The following COL24A1 variants were observed in gnomAD, a reference collection of about 807,000 sequenced individuals.
COL24A1 encodes collagen type XXIV alpha 1 chain.
A neutral mutation model predicts 253.9 loss-of-function variants in COL24A1; 224 were observed. The ratio of observed to expected loss-of-function variants is 0.88; its 90% CI spans 0.79 to 0.99. COL24A1 has a LOEUF of 0.99. Ranked by LOEUF, COL24A1 falls within the 50% of genes least tolerant of loss-of-function variation. The pLI, the probability that COL24A1 is intolerant of heterozygous loss-of-function variation, is 0.00. For missense variants in COL24A1, 2,131 were observed against 2,068.5 expected (o/e 1.03, Z -0.59); for synonymous variants, 685 against 673.7 (o/e 1.02, Z -0.26).
intron 18 of COL24A1, among the ~76,000 whole-genome samples, chr1:86,020,962 A>T (rs1697475767): frequency 6.6e-6 from 1 of 152,222 alleles, no homozygotes; most frequent in Non-Finnish European, 1.5e-5. Context: ...TAGTATAAGC[A>T]AAGGTCACCA....
intron 53 of COL24A1, among the ~76,000 whole-genome samples, chr1:85,774,894 A>C (rs1668368442): frequency 6.6e-6 from 1 of 151,796 alleles, no homozygotes; most frequent in African/African-American, 2.4e-5. Flanking sequence ...GATCTTAGTT[A>C]CTTCTTGCCT....
Position 85,823,607 on chromosome 1 carries a change from A to G in COL24A1, c.3736-18T>C, listed in dbSNP as rs1196170580. The G allele has an allele frequency of 5.6e-6, 9 of 1,613,864 alleles. No homozygotes were observed. The South Asian group carries it at 8.8e-5, about 16-fold the overall frequency. On this transcript the variant is annotated intron_variant, in intron 44 of 59. Coordinates refer to ENST00000370571, the MANE Select transcript of COL24A1 (RefSeq NM_152890.7). ...GGTTCGCCCTTTAGTAGAAACCAAA[A>G]TAAAAATCACATATGAAGCAGAGAC...
At chr1:86,079,516 A>C (rs980173285) in intron 7 of COL24A1, among the ~76,000 whole-genome samples, 1 of 152,208 alleles carries the variant, frequency 6.6e-6, no homozygotes. Context: ...GTGAAGAAAC[A>C]ACCCAGAAAA....
At chr1:85,837,058 T>G in intron 43 of COL24A1, among the ~76,000 whole-genome samples, 1 of 152,232 alleles carries the variant, frequency 6.6e-6, no homozygotes, top group South Asian at 2.1e-4. Context: ...TGTGAAGAAG[T>G]CATGCACAGA....
chr1:85,948,392 C>T (rs1054074252), intron 24 of COL24A1, among the ~76,000 whole-genome samples: 1 of 150,690 alleles, frequency 6.6e-6, no homozygotes, highest in Admixed American at 6.6e-5. Flanking sequence ...GGCGTGGTAG[C>T]GGGCGCCTGT....
At chr1:85,914,745 G>A (rs1685727554) in intron 24 of COL24A1, among the ~76,000 whole-genome samples, 1 of 152,088 alleles carries the variant, frequency 6.6e-6, no homozygotes, top group South Asian at 2.1e-4. Context: ...CAGTATCTAA[G>A]TATGGTTAAT....
At chr1:86,119,849 A>G (rs986080546) in intron 3 of COL24A1, among the ~76,000 whole-genome samples, 51 of 152,204 alleles carry the variant, frequency 3.4e-4, no homozygotes, top group African/African-American at 1.1e-3. Context: ...AAATAAATTT[A>G]AAGAACAAAG....
At chr1:86,079,366 G>C (rs758723360) in intron 7 of COL24A1, among the ~76,000 whole-genome samples, 5 of 152,030 alleles carry the variant, frequency 3.3e-5, no homozygotes, top group Admixed American at 6.6e-5. Flanking sequence ...GAAAATATTG[G>C]GGAACCTCTC....
chr1:85,944,323 T>C (rs1010336330), intron 24 of COL24A1, among the ~76,000 whole-genome samples: 1 of 152,208 alleles, frequency 6.6e-6, no homozygotes, highest in Admixed American at 6.5e-5. Context: ...TATGCAACTG[T>C]CACTAGAATA....
intron 47 of COL24A1, among the ~76,000 whole-genome samples, chr1:85,812,387 C>T (rs1427381095): frequency 6.6e-6 from 1 of 152,164 alleles, no homozygotes; most frequent in African/African-American, 2.4e-5. Flanking sequence ...GATAGATCTG[C>T]ATTGATTGTC....
chr1:86,012,153 A>C (rs1297062292), intron 19 of COL24A1, among the ~76,000 whole-genome samples: 1 of 152,184 alleles, frequency 6.6e-6, no homozygotes, highest in Admixed American at 6.5e-5. Flanking sequence ...AATAAATTTA[A>C]AAAAAGTTCT....
chr1:85,741,473 T>C (rs111244632), intron 57 of COL24A1, among the ~76,000 whole-genome samples: 4 of 152,340 alleles, frequency 2.6e-5, no homozygotes, highest in African/African-American at 9.6e-5. Flanking sequence ...ATCCAGATGA[T>C]GTGAAGCAAA....
chr1:85,887,475 C>CT (rs201311165), intron 32 of COL24A1, among the ~76,000 whole-genome samples: 94 of 143,838 alleles, frequency 6.5e-4, no homozygotes, highest in East Asian at 1.0e-3. Context: ...GGTCAGCAAA[C>CT]TTTTTTTTTT....
At chr1:85,882,358 GA>G (rs543367428) in intron 32 of COL24A1, among the ~76,000 whole-genome samples, 165 of 152,222 alleles carry the variant, frequency 1.1e-3, no homozygotes, top group Middle Eastern at 3.4e-3. Context: ...CAGCTACTTG[GA>G]GAGGCTGAGG....
chr1:85,845,023 C>T (rs1677019862), intron 39 of COL24A1, among the ~76,000 whole-genome samples: 2 of 151,570 alleles, frequency 1.3e-5, no homozygotes, highest in African/African-American at 2.4e-5. Flanking sequence ...GAATGAAGAA[C>T]GATGGAATGA....
intron 5 of COL24A1, among the ~76,000 whole-genome samples, chr1:86,110,602 A>G (rs76079987): frequency 0.15 from 22,247 of 151,754 alleles, 1,764 homozygotes; most frequent in South Asian, 0.24. Flanking sequence ...GGCGCTCGCG[A>G]GCGAGCGCGA....
At chr1:85,814,250 A>G (rs1345367556) in intron 47 of COL24A1, among the ~76,000 whole-genome samples, 1 of 152,170 alleles carries the variant, frequency 6.6e-6, no homozygotes, top group East Asian at 1.9e-4. Context: ...ATTCTTGTGT[A>G]TTCTAGATAG....
intron 2 of COL24A1, among the ~76,000 whole-genome samples, chr1:86,128,202 G>T (rs1053999467): frequency 1.1e-4 from 17 of 151,910 alleles, no homozygotes; most frequent in Non-Finnish European, 1.9e-4. Flanking sequence ...AATATGGCTG[G>T]TTGTTTCAAT....
chr1:85,799,431 C>T (rs954677249), intron 47 of COL24A1, among the ~76,000 whole-genome samples: 2 of 146,692 alleles, frequency 1.4e-5, no homozygotes, highest in East Asian at 2.0e-4. Flanking sequence ...TCCTTATCCT[C>T]GGTTGAAAAT....
Sources: allele counts gnomAD v4.1 joint callset (sites outside exome capture counted in the v4.1 genomes callset), GRCh38; gene constraint gnomAD v4.1.1; transcripts MANE v1.5; gene names NCBI Gene and HGNC (gene_info 2026-07-23, HGNC 2026-07-21).